The following VPS36 variants were observed in gnomAD, a reference collection of about 807,000 sequenced individuals.
VPS36 encodes the protein vacuolar protein-sorting-associated protein 36.
A neutral mutation model predicts 63.5 loss-of-function variants in VPS36; 31 were observed. That is an observed-to-expected ratio of 0.49 (90% CI 0.37 to 0.66). The LOEUF is 0.66. VPS36 is among the 30% of genes least tolerant of loss of function. The pLI is 0.00. For synonymous variants in VPS36, 138 were observed against 157.2 expected, an observed-to-expected ratio of 0.88 and a Z score of 0.91; for missense variants, 338 against 463.7, an observed-to-expected ratio of 0.73 and a Z score of 2.49.
rs755244819 is a variant in VPS36, at chr13:52,417,115, A to G, written c.932T>C (p.Met311Thr). 8.7e-6 allele frequency: 14 copies of G among 1,614,004 alleles called. No individual in the cohort carries two copies. The Admixed American group carries it at 1.8e-4, about 21-fold the overall frequency. ...CTTGTGAGACTGAAGCTCAATTACC[A>G]TGACGCCACTGTCAAACACACGGAG... is the stretch of plus-strand genomic sequence containing the variant. ...LRLRVFDSGVMVIELQSHKEE... is the reference protein window; with the variant it reads ...LRLRVFDSGVTVIELQSHKEE... The change falls in exon 12 of 14, where the codon ATG becomes ACG. Residue 311 changes from methionine to threonine, a missense_variant. Coordinates refer to ENST00000378060, the MANE Select transcript of VPS36 (RefSeq NM_016075.4).
intron 10 of VPS36, 21 bp from the exon 11 acceptor site, chr13:52,418,077 A>G: frequency 6.3e-7 from 1 of 1,599,988 alleles, no homozygotes; most frequent in Non-Finnish European, 8.6e-7. Context: ...AAAAAAATCC[A>G]GTAATGCTAT....
At chr13:52,425,138 A>G (rs1240287493) in intron 9 of VPS36, among the ~76,000 whole-genome samples, 1 of 151,530 alleles carries the variant, frequency 6.6e-6, no homozygotes, top group Non-Finnish European at 1.5e-5. Context: ...CTGTAGTCCA[A>G]GCTACTCTGG....
intron 3 of VPS36, among the ~76,000 whole-genome samples, chr13:52,437,653 G>A (rs545946314): frequency 5.9e-5 from 9 of 152,168 alleles, no homozygotes; most frequent in South Asian, 2.1e-4. Context: ...AAATAAAGCC[G>A]GGCGCGGTGG....
At chr13:52,425,741 T>C in intron 9 of VPS36, 191 bp downstream of exon 9, 1 of 545,698 alleles carries the variant, frequency 1.8e-6, no homozygotes, top group Non-Finnish European at 2.8e-6. Flanking sequence ...AAAATGAAAA[T>C]TAAAAACAAC....
rs574706045 is a variant in VPS36, at chr13:52,426,726, G to A, written c.639+263C>T. Among the ~76,000 whole-genome samples, 180 of 152,254 alleles carry A rather than the reference G, an allele frequency of 1.2e-3. 3 individuals are homozygous for A. The highest frequency in any genetic ancestry group is 3.1e-3 in the Admixed American group (47 of 15,296). On this transcript the variant is annotated intron_variant, in intron 8 of 13. Coordinates refer to ENST00000378060, the MANE Select transcript of VPS36 (RefSeq NM_016075.4). ...AAAAATTAGCCGGGCGTGGTGGCAC[G>A]TGCCTGTAGTCCCAGCTACTCGGGA...
chr13:52,436,214 C>T, intron 4 of VPS36, 76 bp downstream of exon 4: 1 of 941,952 alleles, frequency 1.1e-6, no homozygotes, highest in African/African-American at 1.8e-5. Context: ...TATTAACAAG[C>T]CACAACACAC....
At chr13:52,444,448 A>G (rs1337966468) in intron 1 of VPS36, among the ~76,000 whole-genome samples, 1 of 150,180 alleles carries the variant, frequency 6.7e-6, no homozygotes, top group Non-Finnish European at 1.5e-5. Flanking sequence ...TGACAGAGCA[A>G]GACTCCGTTT....
At chr13:52,425,898 A>T in intron 9 of VPS36, 34 bp downstream of exon 9, 1 of 1,589,452 alleles carries the variant, frequency 6.3e-7, no homozygotes, top group South Asian at 1.2e-5. Flanking sequence ...AATTTAACAC[A>T]GTTTAAAAAA....
chr13:52,431,165 G>A (rs1252547791), intron 6 of VPS36, among the ~76,000 whole-genome samples: 1 of 152,062 alleles, frequency 6.6e-6, no homozygotes, highest in Non-Finnish European at 1.5e-5. Context: ...AGCTGGAGCT[G>A]AGGCAGAGAG....
intron 6 of VPS36, among the ~76,000 whole-genome samples, chr13:52,433,167 A>C (rs1958177539): frequency 6.6e-6 from 1 of 152,142 alleles, no homozygotes; most frequent in African/African-American, 2.4e-5. Context: ...CCTCAGAAAC[A>C]CTGGAATGTA....
chr13:52,423,983 G>A (rs1036801475), intron 9 of VPS36, among the ~76,000 whole-genome samples: 1 of 151,878 alleles, frequency 6.6e-6, no homozygotes, highest in African/African-American at 2.4e-5. Flanking sequence ...TCAGCCTCCT[G>A]AGTAGCTGGC....
intron 10 of VPS36, 112 bp downstream of exon 10, chr13:52,423,462 G>T: frequency 1.1e-6 from 1 of 893,718 alleles, no homozygotes; most frequent in Non-Finnish European, 1.8e-6. Context: ...CTGTACCACA[G>T]TGCTTCTCAA....
chr13:52,440,577 G>A (rs948152333), intron 2 of VPS36, among the ~76,000 whole-genome samples: 10 of 152,202 alleles, frequency 6.6e-5, no homozygotes, highest in Admixed American at 5.2e-4. Context: ...ACAGGCATGA[G>A]CCACTGCGCC....
At chr13:52,434,147 T>C (rs1036834779) in intron 5 of VPS36, among the ~76,000 whole-genome samples, 1 of 152,212 alleles carries the variant, frequency 6.6e-6, no homozygotes, top group African/African-American at 2.4e-5. Flanking sequence ...TTTGAGTACC[T>C]GTCTAGTGTT....
Position 52,417,137 on chromosome 13 carries a change from G to T in VPS36, c.910C>A (p.Arg304Ser). The T allele has an allele frequency of 6.2e-7, 1 of 1,613,814 alleles. No homozygotes were observed. The highest frequency in any genetic ancestry group is 2.2e-5 in the East Asian group (1 of 44,878). Residue 304 changes from arginine (R) to serine (S), a missense_variant, in exon 12 of 14, where the codon CGT (arginine) becomes AGT (serine). By Grantham distance (110) the Arg-to-Ser change is moderately radical. Coordinates refer to ENST00000378060, the MANE Select transcript of VPS36 (RefSeq NM_016075.4). ...ACCATGACGCCACTGTCAAACACAC[G>T]GAGCCTGAAAACCACAGGTGCGAGA... ...LEALKLPLRL[R>S]VFDSGVMVIE...
At chr13:52,418,598 A>C (rs2137771164) in intron 10 of VPS36, among the ~76,000 whole-genome samples, 1 of 148,248 alleles carries the variant, frequency 6.7e-6, no homozygotes, top group South Asian at 2.1e-4. Flanking sequence ...AAAAAAAAAA[A>C]GTAAAAAAGT....
rs962688779 is a variant in VPS36 at position 52,415,055 on chromosome 13, T to C, written c.*775A>G. On this transcript the variant is annotated 3_prime_UTR_variant, in exon 14 of 14. Coordinates refer to ENST00000378060, the MANE Select transcript of VPS36 (RefSeq NM_016075.4). Reference sequence around the variant, plus strand: ...CTGTGGCTTTGAGGTAAAAGAACACTAAGGTTCCTGTGAAGTTCCCTCTGC... The same window carrying C: ...CTGTGGCTTTGAGGTAAAAGAACACCAAGGTTCCTGTGAAGTTCCCTCTGC... 6.6e-6 allele frequency: 1 copy of C among 152,210 alleles called. No individual in the cohort carries two copies. Among genetic ancestry groups the C allele is most frequent in the Non-Finnish European group, 1.5e-5 (1 of 68,038 alleles). 9.4% of individuals were successfully genotyped at this position (152,210 alleles called of 1,614,324 possible).
chr13:52,448,313 T>G (rs1472437302), intron 1 of VPS36, among the ~76,000 whole-genome samples: 1 of 152,154 alleles, frequency 6.6e-6, no homozygotes, highest in East Asian at 1.9e-4. Context: ...CCTTGTAAAG[T>G]CTCTAGCACC....
chr13:52,426,281 C>T (rs1455784972), intron 8 of VPS36, among the ~76,000 whole-genome samples: 3 of 152,146 alleles, frequency 2.0e-5, no homozygotes, highest in African/African-American at 7.2e-5. Flanking sequence ...CTCTCATATT[C>T]TGTTTACTTC....
Sources: gnomAD v4.1 joint callset for allele counts (sites outside exome capture counted in the v4.1 genomes callset) on GRCh38, gnomAD v4.1.1 for gene constraint, MANE v1.5 for transcripts, NCBI Gene and HGNC (gene_info 2026-07-23, HGNC 2026-07-21) for gene names.